GALNT2: variants seen among roughly 807,000 people sequenced by gnomAD.
GALNT2 encodes polypeptide N-acetylgalactosaminyltransferase 2, also known as UDP-GalNAc:polypeptide N-acetylgalactosaminyltransferase 2.
GALNT2 carries 31 observed loss-of-function variants against 81.4 expected under a neutral mutation model. The observed-to-expected ratio is 0.38, with a 90% CI of 0.29 to 0.51. GALNT2 has a LOEUF of 0.51. GALNT2 is among the 20% of genes least tolerant of loss of function. The pLI, the probability that GALNT2 is intolerant of heterozygous loss-of-function variation, is 0.87. For synonymous variants in GALNT2, 303 were observed against 287.4 expected, an observed-to-expected ratio of 1.05 and a Z score of -0.55; for missense variants, 629 against 765.7, an observed-to-expected ratio of 0.82 and a Z score of 2.11.
At chr1:230,205,137 G>A (rs1664020371) in intron 3 of GALNT2, among the ~76,000 whole-genome samples, 1 of 152,208 alleles carries the variant, frequency 6.6e-6, no homozygotes, top group South Asian at 2.1e-4. Context: ...GAGAGCTGGA[G>A]AGAGACAAAT....
intron 15 of GALNT2, among the ~76,000 whole-genome samples, chr1:230,276,140 A>G (rs1307705236): frequency 6.6e-6 from 1 of 151,948 alleles, no homozygotes; most frequent in East Asian, 1.9e-4. Flanking sequence ...ATACATATAT[A>G]TACACACCAC....
At chr1:230,188,270 C>T (rs372980865) in intron 2 of GALNT2, among the ~76,000 whole-genome samples, 13 of 152,194 alleles carry the variant, frequency 8.5e-5, no homozygotes, top group African/African-American at 2.9e-4. Context: ...ATTGTTTTAA[C>T]TCTATTTCTT....
rs376128700 is a variant in GALNT2 at position 230,255,317 on chromosome 1, C to T, written c.1109C>T (p.Pro370Leu). The T allele has an allele frequency of 5.6e-6, 9 of 1,614,094 alleles. No homozygotes were observed. The highest frequency in any genetic ancestry group is 1.1e-5 in the South Asian group (1 of 91,086). The stretch of plus-strand genomic sequence containing the variant: ...CGGAAGCAGCACCCCTACACGTTCC[C>T]GGGTGGCAGTGGCACTGTCTTTGCC... ...VFRKQHPYTF[P>L]GGSGTVFARN... Residue 370 changes from proline to leucine, a missense_variant, in exon 11 of 16, where the codon CCG becomes CTG. By Grantham distance (98) the Pro-to-Leu change is moderately conservative. This residue lies in a region of GALNT2 where 360 missense variants were observed against 492.8 expected (regional missense o/e 0.73). Transcript: ENST00000366672.
At chr1:230,147,495 T>G (rs1661956561) in intron 1 of GALNT2, among the ~76,000 whole-genome samples, 1 of 152,234 alleles carries the variant, frequency 6.6e-6, no homozygotes, top group Admixed American at 6.5e-5. Flanking sequence ...GCCTCTCCCT[T>G]GAAAGCATGG....
chr1:230,159,759 T>G (rs963607136), intron 1 of GALNT2, among the ~76,000 whole-genome samples: 1 of 152,254 alleles, frequency 6.6e-6, no homozygotes, highest in Non-Finnish European at 1.5e-5. Flanking sequence ...AGATACCTTG[T>G]CTACCTCCCC....
At chr1:230,244,944 A>G (rs898691964) in intron 7 of GALNT2, among the ~76,000 whole-genome samples, 1 of 152,106 alleles carries the variant, frequency 6.6e-6, no homozygotes, top group Non-Finnish European at 1.5e-5. Context: ...GTATTTCTAA[A>G]TCTTTCTTCT....
At chr1:230,106,637 C>T (rs1340699965) in intron 1 of GALNT2, among the ~76,000 whole-genome samples, 1 of 152,306 alleles carries the variant, frequency 6.6e-6, no homozygotes, top group Non-Finnish European at 1.5e-5. Flanking sequence ...GGCAGGCATT[C>T]GTAAGAGTGC....
Position 230,237,962 on chromosome 1 carries a change from A to G in GALNT2, c.607+1237A>G, listed in dbSNP as rs185251741. 4.6e-3 allele frequency among the ~76,000 whole-genome samples: 693 copies of G among 152,244 alleles called. 5 individuals are homozygous for G. The highest frequency in any genetic ancestry group is 0.016 in the African/African-American group (645 of 41,540). On this transcript the variant is annotated intron_variant, in intron 6 of 15. Transcript: ENST00000366672. The stretch of plus-strand genomic sequence containing the variant: ...TTTAAACTGCTTAGAAATCAGAACA[A>G]TGCTTCTCAGTATTAACTTTCCGCT...
At chr1:230,232,200 A>C (rs781188710) in intron 3 of GALNT2, among the ~76,000 whole-genome samples, 6 of 152,040 alleles carry the variant, frequency 3.9e-5, no homozygotes, top group African/African-American at 4.8e-5. Flanking sequence ...ACATACACAC[A>C]CTCACTCTAA....
rs747922205 is a variant in GALNT2 at position 230,164,540 on chromosome 1, CT to C, written c.127-13664del. Among the ~76,000 whole-genome samples, 771 of 141,930 alleles carry C rather than the reference CT, an allele frequency of 5.4e-3. 1 individual carries two copies. The highest frequency in any genetic ancestry group is 7.5e-3 in the Middle Eastern group (2 of 268). The allele number at this position is 141,930 out of a possible 152,430, so 93.1% of individuals were successfully genotyped here. On this transcript the variant is annotated intron_variant, in intron 1 of 15. Transcript: ENST00000366672. ...ACAGCACGGTCTCTGGGCCCTTTTT[CT>C]TTTTTTTTTTTTTAGACGGAGTCAC... is the stretch of plus-strand genomic sequence containing the variant.
chr1:230,214,649 T>C (rs914375451), intron 3 of GALNT2, among the ~76,000 whole-genome samples: 4 of 152,220 alleles, frequency 2.6e-5, no homozygotes, highest in Non-Finnish European at 5.9e-5. Context: ...TTCCTTGTGC[T>C]GAACCTGTTT....
intron 3 of GALNT2, among the ~76,000 whole-genome samples, chr1:230,208,314 G>A (rs764127612): frequency 5.3e-5 from 8 of 152,162 alleles, no homozygotes; most frequent in Admixed American, 2.6e-4. Flanking sequence ...GGACTGGAGG[G>A]GGGTATGGCT....
intron 14 of GALNT2, among the ~76,000 whole-genome samples, chr1:230,270,773 G>A (rs1468355262): frequency 6.6e-6 from 1 of 152,174 alleles, no homozygotes. Flanking sequence ...CAGACACACA[G>A]GAAATGAGAA....
chr1:230,270,441 A>G (rs1315323169), intron 14 of GALNT2, among the ~76,000 whole-genome samples: 1 of 152,244 alleles, frequency 6.6e-6, no homozygotes, highest in African/African-American at 2.4e-5. Context: ...GCCATTCAGT[A>G]TATCAGCCAC....
intron 2 of GALNT2, among the ~76,000 whole-genome samples, chr1:230,196,626 T>G (rs971092672): frequency 6.6e-6 from 1 of 152,094 alleles, no homozygotes; most frequent in East Asian, 1.9e-4. Context: ...GATGGGAAGG[T>G]ACAGCTCCAC....
intron 1 of GALNT2, among the ~76,000 whole-genome samples, chr1:230,112,793 A>C (rs908415410): frequency 9.5e-5 from 1 of 10,520 alleles, no homozygotes. Context: ...TGTGTGTGGC[A>C]GGGGGGTGGG....
chr1:230,203,338 A>G, intron 3 of GALNT2, 48 bp downstream of exon 3: 6 of 1,597,882 alleles, frequency 3.8e-6, no homozygotes, highest in Non-Finnish European at 5.1e-6. Flanking sequence ...GCTTTCACAC[A>G]AACCAGTACG....
intron 1 of GALNT2, among the ~76,000 whole-genome samples, chr1:230,160,394 G>A (rs1399229507): frequency 1.3e-5 from 2 of 152,054 alleles, no homozygotes; most frequent in Non-Finnish European, 2.9e-5. Flanking sequence ...GATCTCTGAG[G>A]GCCAGGGCCT....
chr1:230,097,973 A>G (rs1660297947), intron 1 of GALNT2, among the ~76,000 whole-genome samples: 1 of 152,178 alleles, frequency 6.6e-6, no homozygotes, highest in South Asian at 2.1e-4. Flanking sequence ...CTTTGTAAAG[A>G]GAGAATGTAA....
Sources: gnomAD v4.1 joint callset for allele counts (sites outside exome capture counted in the v4.1 genomes callset) on GRCh38, gnomAD v4.1.1 for gene constraint, gnomAD v4.1.1 regional missense constraint, MANE v1.5 for transcripts, NCBI Gene and HGNC (gene_info 2026-07-23, HGNC 2026-07-21) for gene names.